NAMPT: variants seen among roughly 807,000 people sequenced by gnomAD.
NAMPT encodes the protein nicotinamide phosphoribosyltransferase.
A neutral mutation model predicts 58.7 loss-of-function variants in NAMPT; 7 were observed. The observed-to-expected ratio is 0.12, with a 90% CI of 0.07 to 0.22. The LOEUF (loss-of-function observed/expected upper bound fraction) is 0.22, where lower values mean the gene tolerates loss of function less well. Ranked by LOEUF, NAMPT falls within the 10% of genes least tolerant of loss-of-function variation. The pLI is 1.00. For synonymous variants in NAMPT, 145 were observed against 198.1 expected, an observed-to-expected ratio of 0.73 and a Z score of 2.25; for missense variants, 271 against 567.9, an observed-to-expected ratio of 0.48 and a Z score of 5.31.
intron 6 of NAMPT, among the ~76,000 whole-genome samples, chr7:106,267,871 A>AAACAAAAAAC (rs1562815987): frequency 7.3e-6 from 1 of 137,228 alleles, no homozygotes; most frequent in African/African-American, 2.8e-5. Flanking sequence ...AAAAAAAAAA[A>AAACAAAAAAC]AAAAACAACC....
intron 1 of NAMPT, among the ~76,000 whole-genome samples, chr7:106,279,792 G>A (rs543122841): frequency 5.9e-5 from 9 of 152,310 alleles, no homozygotes; most frequent in Admixed American, 3.3e-4. Context: ...CAAGATAGAT[G>A]CTATGAAAAT....
At chr7:106,278,346 C>CA (rs1792692108) in intron 1 of NAMPT, among the ~76,000 whole-genome samples, 1 of 152,060 alleles carries the variant, frequency 6.6e-6, no homozygotes, top group Non-Finnish European at 1.5e-5. Flanking sequence ...GCCCCTAATG[C>CA]AGCACACAGA....
intron 1 of NAMPT, among the ~76,000 whole-genome samples, chr7:106,280,258 G>A (rs922957240): frequency 6.6e-6 from 1 of 152,172 alleles, no homozygotes; most frequent in Non-Finnish European, 1.5e-5. Flanking sequence ...GGATGTGGAA[G>A]ATGATAATGA....
chr7:106,258,589 G>C (rs190446227), intron 8 of NAMPT, among the ~76,000 whole-genome samples: 2 of 152,314 alleles, frequency 1.3e-5, no homozygotes, highest in Admixed American at 6.5e-5. Flanking sequence ...TGAAAATACT[G>C]TGGGCTTGCT....
At chr7:106,263,879 T>G (rs774105149) in intron 6 of NAMPT, among the ~76,000 whole-genome samples, 2 of 152,058 alleles carry the variant, frequency 1.3e-5, no homozygotes, top group Non-Finnish European at 2.9e-5. Context: ...CAACCAATTA[T>G]CTGTGTGTGT....
intron 6 of NAMPT, among the ~76,000 whole-genome samples, chr7:106,267,820 G>T (rs552433192): frequency 2.3e-5 from 2 of 85,258 alleles, no homozygotes; most frequent in Admixed American, 2.0e-4. Flanking sequence ...CAGCCTGGGC[G>T]ACAGAGCGAG....
rs1309648774 is a variant in NAMPT at position 106,284,951 on chromosome 7, T to C, written c.-67A>G. 9.1e-6 allele frequency: 14 copies of C among 1,543,300 alleles called. No homozygotes were observed. Among genetic ancestry groups the C allele is most frequent in the Admixed American group, 2.0e-5 (1 of 51,240 alleles). ...GCGCGGCTGCGAGGAAGGAGAAAAA[T>C]GAGCTTCACCGCGCTCCGTTGCTTA... On this transcript the variant is annotated 5_prime_UTR_variant, in exon 1 of 11. Transcript: ENST00000222553.
intron 1 of NAMPT, among the ~76,000 whole-genome samples, chr7:106,277,475 G>A (rs1792669437): frequency 6.6e-6 from 1 of 152,178 alleles, no homozygotes; most frequent in South Asian, 2.1e-4. Context: ...CCTTCATCCA[G>A]GCGAAGAGAG....
At chr7:106,264,925 C>T (rs1346630866) in intron 6 of NAMPT, among the ~76,000 whole-genome samples, 1 of 151,680 alleles carries the variant, frequency 6.6e-6, no homozygotes, top group African/African-American at 2.4e-5. Flanking sequence ...TTTCCCCATA[C>T]TGTCAATGGT....
intron 8 of NAMPT, 137 bp from the exon 9 acceptor site, chr7:106,254,641 C>T: frequency 9.8e-7 from 1 of 1,017,262 alleles, no homozygotes; most frequent in East Asian, 2.6e-5. Context: ...TTATAGCCCG[C>T]ATTTTGTTTT....
intron 8 of NAMPT, 89 bp downstream of exon 8, chr7:106,261,499 A>G: frequency 1.8e-6 from 2 of 1,081,314 alleles, no homozygotes; most frequent in Non-Finnish European, 2.7e-6. Flanking sequence ...AAAGACTTAA[A>G]ATTGTATTTA....
intron 1 of NAMPT, among the ~76,000 whole-genome samples, chr7:106,277,478 G>A (rs543584898): frequency 4.6e-5 from 7 of 152,258 alleles, no homozygotes; most frequent in East Asian, 1.9e-4. Flanking sequence ...TCATCCAGGC[G>A]AAGAGAGAGA....
chr7:106,280,036 G>A (rs1792730923), intron 1 of NAMPT, among the ~76,000 whole-genome samples: 1 of 152,160 alleles, frequency 6.6e-6, no homozygotes, highest in Non-Finnish European at 1.5e-5. Flanking sequence ...CTACCCCAAG[G>A]AGCCTGGATT....
intron 6 of NAMPT, among the ~76,000 whole-genome samples, chr7:106,267,876 A>AAAAAAAAAAAAAAC (rs1189395299): frequency 7.7e-6 from 1 of 130,394 alleles, no homozygotes; most frequent in Non-Finnish European, 1.7e-5. Context: ...AAAAAAAAAA[A>AAAAAAAAAAAAAAC]CAACCTGATT....
chr7:106,263,310 G>T, intron 7 of NAMPT, 82 bp downstream of exon 7: 1 of 978,348 alleles, frequency 1.0e-6, no homozygotes, highest in Non-Finnish European at 1.6e-6. Context: ...CTCTGAAATT[G>T]TGTGTATATA....
At chr7:106,262,036 G>A (rs1792312971) in intron 7 of NAMPT, among the ~76,000 whole-genome samples, 1 of 151,952 alleles carries the variant, frequency 6.6e-6, no homozygotes, top group East Asian at 1.9e-4. Context: ...TTTTAAAGAA[G>A]TATATAAAGC....
Position 106,251,850 on chromosome 7 carries a change from T to C in NAMPT, c.1366-657A>G, listed in dbSNP as rs574646655. Among the ~76,000 whole-genome samples the C allele has an allele frequency of 2.4e-4, 36 of 152,182 alleles. No homozygotes were observed. In the South Asian group the frequency reaches 3.9e-3, roughly 17 times the overall value. On this transcript the variant is annotated intron_variant, in intron 10 of 10. Transcript: ENST00000222553. ...ACAGATTGAAGAAATTAAATTCCCT[T>C]TGGGTCTGGTAGAGCCACTCCTGTC...
chr7:106,256,648 C>T (rs1285545990), intron 8 of NAMPT, among the ~76,000 whole-genome samples: 2 of 152,200 alleles, frequency 1.3e-5, no homozygotes, highest in Non-Finnish European at 2.9e-5. Context: ...CAACACTTTA[C>T]TATAAAATAG....
intron 1 of NAMPT, among the ~76,000 whole-genome samples, chr7:106,282,744 T>C (rs1398999761): frequency 6.6e-6 from 1 of 152,238 alleles, no homozygotes; most frequent in Non-Finnish European, 1.5e-5. Context: ...AGGCAATCAA[T>C]TATTCTTTCT....
Sources: allele counts gnomAD v4.1 joint callset (sites outside exome capture counted in the v4.1 genomes callset), GRCh38; gene constraint gnomAD v4.1.1; transcripts MANE v1.5; gene names NCBI Gene and HGNC (gene_info 2026-07-23, HGNC 2026-07-21).